Variants in SLC13A1 observed in about 807,000 individuals in gnomAD.
SLC13A1 encodes solute carrier family 13 member 1, also known as Na(+)/sulfate cotransporter.
A neutral mutation model predicts 70.0 loss-of-function variants in SLC13A1; 65 were observed. That is an observed-to-expected ratio of 0.93 (90% confidence interval 0.76 to 1.14). SLC13A1 has a LOEUF of 1.14. Among genes scored for constraint, SLC13A1 ranks in the 50% most tolerant of loss-of-function variants. The pLI, the probability that SLC13A1 is intolerant of heterozygous loss-of-function variation, is 0.00. For missense variants in SLC13A1, 726 were observed against 717.8 expected (o/e 1.01, Z -0.13); for synonymous variants, 275 against 250.5 (o/e 1.10, Z -0.92).
At chr7:123,142,815 C>T (rs931016172) in intron 7 of SLC13A1, among the ~76,000 whole-genome samples, 2 of 151,804 alleles carry the variant, frequency 1.3e-5, no homozygotes, top group African/African-American at 4.8e-5. Flanking sequence ...GATGGGGTTT[C>T]ACTATGTTGG....
At chr7:123,145,872 CACA>C (rs1794332002) in intron 7 of SLC13A1, among the ~76,000 whole-genome samples, 3 of 152,100 alleles carry the variant, frequency 2.0e-5, no homozygotes, top group Admixed American at 6.5e-5. Flanking sequence ...TCCGTGCATG[CACA>C]ACATTTTGCA....
At chr7:123,183,078 A>G (rs1485304503) in intron 1 of SLC13A1, among the ~76,000 whole-genome samples, 1 of 152,056 alleles carries the variant, frequency 6.6e-6, no homozygotes, top group African/African-American at 2.4e-5. Context: ...CATAGTATTC[A>G]GCCAGTTGGT....
At chr7:123,156,437 GGTGCTTTC>G (rs1185647533) in intron 6 of SLC13A1, among the ~76,000 whole-genome samples, 2 of 152,032 alleles carry the variant, frequency 1.3e-5, no homozygotes, top group Non-Finnish European at 2.9e-5. Flanking sequence ...TTTTGACCTT[GGTGCTTTC>G]GTGGTCCATA....
intron 1 of SLC13A1, among the ~76,000 whole-genome samples, chr7:123,191,315 T>G (rs1261393931): frequency 6.6e-6 from 1 of 152,220 alleles, no homozygotes; most frequent in Non-Finnish European, 1.5e-5. Context: ...CAGCTCTTTC[T>G]GTCCTTCACA....
At chr7:123,126,949 G>C (rs1036449477) in intron 10 of SLC13A1, among the ~76,000 whole-genome samples, 5 of 151,958 alleles carry the variant, frequency 3.3e-5, no homozygotes, top group East Asian at 3.9e-4. Flanking sequence ...CATCATGTTA[G>C]CTTTAGAAAT....
At chr7:123,146,213 T>C (rs936355941) in intron 7 of SLC13A1, among the ~76,000 whole-genome samples, 3 of 152,198 alleles carry the variant, frequency 2.0e-5, no homozygotes, top group African/African-American at 7.2e-5. Flanking sequence ...GGGAGAATCA[T>C]GGACCTTTTT....
chr7:123,125,497 A>G lies in SLC13A1; in HGVS notation c.1240+72T>C, dbSNP rs531255048. On this transcript the variant is annotated intron_variant, in intron 11 of 14. Coordinates refer to ENST00000194130, the MANE Select transcript of SLC13A1 (RefSeq NM_022444.4). ...GACTTTCTTTCTGCTCTAGGTGCCAAGCGAAACCAATGGAATTTTGTAATT... is the reference window on the plus strand; with the variant it reads ...GACTTTCTTTCTGCTCTAGGTGCCAGGCGAAACCAATGGAATTTTGTAATT... 37 of 1,125,500 alleles carry G rather than the reference A, an allele frequency of 3.3e-5. No individual in the cohort carries two copies. The South Asian group carries it at 4.6e-4, about 14-fold the overall frequency. The allele number at this position is 1,125,500 out of a possible 1,614,324, so 69.7% of individuals were successfully genotyped here.
intron 1 of SLC13A1, among the ~76,000 whole-genome samples, chr7:123,199,023 T>C (rs1008729458): frequency 1.3e-5 from 2 of 152,134 alleles, no homozygotes; most frequent in African/African-American, 4.8e-5. Context: ...TTAAGTAGCA[T>C]GCCCAGGTGA....
At chr7:123,184,402 C>T (rs1210862809) in intron 1 of SLC13A1, among the ~76,000 whole-genome samples, 11 of 152,158 alleles carry the variant, frequency 7.2e-5, no homozygotes, top group South Asian at 2.1e-4. Flanking sequence ...ACTAACATCT[C>T]TTTAACCCTG....
chr7:123,161,756 G>T (rs186293791), intron 6 of SLC13A1, among the ~76,000 whole-genome samples: 97 of 152,224 alleles, frequency 6.4e-4, no homozygotes, highest in Middle Eastern at 3.4e-3. Flanking sequence ...TAGTGCAAGT[G>T]ATAAAACAAA....
intron 1 of SLC13A1, 37 bp from the exon 2 acceptor site, chr7:123,181,138 T>C (rs746929362): frequency 3.4e-5 from 54 of 1,600,716 alleles, no homozygotes; most frequent in Non-Finnish European, 4.6e-5. Context: ...GGTGATATTA[T>C]GAGGCTGGAG....
At chr7:123,167,242 T>C (rs909457931) in intron 6 of SLC13A1, among the ~76,000 whole-genome samples, 1 of 152,200 alleles carries the variant, frequency 6.6e-6, no homozygotes, top group Non-Finnish European at 1.5e-5. Flanking sequence ...CCATTTCTAA[T>C]GTATTATTCT....
chr7:123,158,861 T>G (rs1227734029), intron 6 of SLC13A1, among the ~76,000 whole-genome samples: 2 of 152,172 alleles, frequency 1.3e-5, no homozygotes, highest in East Asian at 3.9e-4. Context: ...TTTCAAGAAT[T>G]ATAGAAATCT....
intron 6 of SLC13A1, among the ~76,000 whole-genome samples, chr7:123,164,650 A>G (rs1373567430): frequency 2.0e-5 from 3 of 151,686 alleles, no homozygotes; most frequent in African/African-American, 7.3e-5. Context: ...CAAGTTTGTT[A>G]TATAGGTAAA....
At chr7:123,115,694 GA>G in intron 14 of SLC13A1, 39 bp from the exon 15 acceptor site, 1 of 1,609,294 alleles carries the variant, frequency 6.2e-7, no homozygotes, top group Non-Finnish European at 8.5e-7. Context: ...TGTCCCAGAA[GA>G]AAGCCTACAG....
At chr7:123,172,738 C>G (rs1795315141) in intron 2 of SLC13A1, among the ~76,000 whole-genome samples, 1 of 152,138 alleles carries the variant, frequency 6.6e-6, no homozygotes. Flanking sequence ...TTTAAGCAAC[C>G]ATTTGCAGCA....
intron 10 of SLC13A1, among the ~76,000 whole-genome samples, 176 bp from the exon 11 acceptor site, chr7:123,125,851 C>T (rs1395777666): frequency 6.6e-6 from 1 of 152,122 alleles, no homozygotes; most frequent in African/African-American, 2.4e-5. Flanking sequence ...AATGACACAA[C>T]ACTAAAAACA....
chr7:123,146,391 G>A (rs935862712), intron 7 of SLC13A1, among the ~76,000 whole-genome samples: 2 of 152,120 alleles, frequency 1.3e-5, no homozygotes, highest in South Asian at 2.1e-4. Context: ...TGGGTATTAC[G>A]GTGCATGCCT....
intron 10 of SLC13A1, among the ~76,000 whole-genome samples, chr7:123,128,159 A>G (rs12706489): frequency 0.23 from 35,605 of 151,902 alleles, 4,868 homozygotes; most frequent in East Asian, 0.35. Context: ...TTCCTTATCT[A>G]TGAAATGGAG....
Sources: allele counts gnomAD v4.1 joint callset (sites outside exome capture counted in the v4.1 genomes callset), GRCh38; gene constraint gnomAD v4.1.1; transcripts MANE v1.5; gene names NCBI Gene and HGNC (gene_info 2026-07-23, HGNC 2026-07-21).